SSH1: variants seen among roughly 807,000 people sequenced by gnomAD.
The protein encoded by SSH1 is protein phosphatase Slingshot homolog 1.
SSH1 carries 43 observed loss-of-function variants against 79.7 expected under a neutral mutation model. That is an observed-to-expected ratio of 0.54 (90% CI 0.42 to 0.70). The LOEUF (loss-of-function observed/expected upper bound fraction) is 0.70, where lower values mean the gene tolerates loss of function less well. Among genes scored for constraint, SSH1 ranks in the 30% least tolerant of loss-of-function variants. The pLI, the probability that SSH1 is intolerant of heterozygous loss-of-function variation, is 0.00. For synonymous variants in SSH1, 599 were observed against 538.3 expected (o/e 1.11, Z -1.56); for missense variants, 1,206 against 1,358.8 (o/e 0.89, Z 1.77).
At position 108,792,585 on chromosome 12, in the gene SSH1, G is replaced by A; in HGVS notation, c.1594C>T (p.Leu532=). ...PEDETGSLVH[L]EDPEREALLE... ...AGAGCCTCCCTCTCCGGATCCTCCA[G>A]GTGGACCAAGCTGCCAGTTTCATCC... Residue 532 remains leucine, a synonymous_variant, in exon 14 of 15, where the codon CTG becomes TTG. Coordinates refer to ENST00000326495, the MANE Select transcript of SSH1 (RefSeq NM_018984.4). The A allele has an allele frequency of 6.2e-7, 1 of 1,613,098 alleles. No individual in the cohort carries two copies. Among genetic ancestry groups the A allele is most frequent in the Non-Finnish European group, 8.5e-7 (1 of 1,179,372 alleles).
chr12:108,826,265 C>A, intron 2 of SSH1: 1 of 416,326 alleles, frequency 2.4e-6, no homozygotes, highest in Non-Finnish European at 4.7e-6. Flanking sequence ...ACTTACAAGG[C>A]CAGCTGTTCC....
At chr12:108,795,360 G>A (rs1226590294) in intron 13 of SSH1, among the ~76,000 whole-genome samples, 2 of 151,780 alleles carry the variant, frequency 1.3e-5, no homozygotes, top group African/African-American at 2.4e-5. Flanking sequence ...AGCAATCCTC[G>A]TGCCTCAGCC....
intron 11 of SSH1, 22 bp from the exon 12 acceptor site, chr12:108,800,948 A>G (rs1207178753): frequency 9.9e-6 from 16 of 1,609,864 alleles, no homozygotes; most frequent in Non-Finnish European, 1.4e-5. Context: ...AAAAAATAAG[A>G]AACAAATTTG....
chr12:108,835,385 G>A (rs1282415086), intron 2 of SSH1, among the ~76,000 whole-genome samples: 1 of 152,134 alleles, frequency 6.6e-6, no homozygotes, highest in African/African-American at 2.4e-5. Context: ...AGTGAGCCGA[G>A]ATTGTGCCAC....
chr12:108,828,575 G>A (rs2038390944), intron 2 of SSH1, among the ~76,000 whole-genome samples: 1 of 152,156 alleles, frequency 6.6e-6, no homozygotes, highest in Non-Finnish European at 1.5e-5. Flanking sequence ...ATCATGCGTG[G>A]GAAAGAGAGA....
At chr12:108,821,901 T>G (rs2038136021) in intron 3 of SSH1, among the ~76,000 whole-genome samples, 1 of 152,188 alleles carries the variant, frequency 6.6e-6, no homozygotes, top group Non-Finnish European at 1.5e-5. Flanking sequence ...ACAAGAAAAC[T>G]GGCCACAATA....
chr12:108,804,858 C>G (rs1016123394), intron 10 of SSH1, among the ~76,000 whole-genome samples, 198 bp downstream of exon 10: 4 of 152,230 alleles, frequency 2.6e-5, no homozygotes, highest in African/African-American at 9.6e-5. Context: ...ACGTCTCAAA[C>G]AGCTGGCTCA....
rs1276798556 is a variant in SSH1, at chr12:108,857,457, C to CGCT, written c.37_39dup (p.Ser13dup). 8.9e-7 allele frequency: 1 copy of CGCT among 1,121,482 alleles called. No individual in the cohort carries two copies. The highest frequency in any genetic ancestry group is 1.9e-5 in the South Asian group (1 of 52,514). The allele number at this position is 1,121,482 out of a possible 1,614,324, so 69.5% of individuals were successfully genotyped here. On this transcript the variant is annotated inframe_insertion, in exon 1 of 15. Transcript: ENST00000326495. This position sits in a 1 kb window ranked among gnomAD's most constrained non-coding sequence, Gnocchi z 4.7. Reference sequence around the variant, plus strand: ...CTGTTGCTGGCCGAGGAGGAGGCGGCGCTGGGCGTGGGCGAGCGCTGCAGG... The same window carrying CGCT: ...CTGTTGCTGGCCGAGGAGGAGGCGGCGCTGCTGGGCGTGGGCGAGCGCTGCAGG...
intron 2 of SSH1, among the ~76,000 whole-genome samples, chr12:108,849,429 C>T (rs536244318): frequency 1.3e-3 from 200 of 152,148 alleles, no homozygotes; most frequent in African/African-American, 4.5e-3. Context: ...TGGTGGCGCA[C>T]GCCTGTAGTC....
At chr12:108,852,805 A>C in intron 1 of SSH1, 127 bp from the exon 2 acceptor site, 2 of 1,577,096 alleles carry the variant, frequency 1.3e-6, no homozygotes, top group South Asian at 1.1e-5. Context: ...AGCTACTTCT[A>C]AACAGCCGTG....
rs2036279894 is a variant in SSH1, at chr12:108,786,558, ATTTC to A, written c.*1426_*1429del. The stretch of plus-strand genomic sequence containing the variant: ...GGCCACATGAATTCTGTCACATATT[ATTTC>A]TTTTTTTTACAACTCCTTAAAAAGG... On this transcript the variant is annotated 3_prime_UTR_variant, in exon 15 of 15. Coordinates refer to ENST00000326495, the MANE Select transcript of SSH1 (RefSeq NM_018984.4). 2 of 152,044 alleles carry A rather than the reference ATTTC, an allele frequency of 1.3e-5. No homozygotes were observed. Among genetic ancestry groups the A allele is most frequent in the African/African-American group, 2.4e-5 (1 of 41,350 alleles). The allele number at this position is 152,044 out of a possible 1,614,324, so 9.4% of individuals were successfully genotyped here. A position where few individuals can be genotyped will look rare whatever the true frequency, so the allele number is the denominator to read the frequency against.
At chr12:108,852,504 A>C (rs762153352) in intron 2 of SSH1, 134 bp downstream of exon 2, 104 of 1,015,814 alleles carry the variant, frequency 1.0e-4, no homozygotes, top group Non-Finnish European at 1.5e-4. Context: ...TGCTGGAATT[A>C]CAGGCGTGAC....
rs756495664 is a variant in SSH1, at chr12:108,809,741, G to A, written c.488C>T (p.Thr163Ile). The A allele has an allele frequency of 2.5e-6, 4 of 1,614,016 alleles. No homozygotes were observed. The highest frequency in any genetic ancestry group is 1.1e-5 in the South Asian group (1 of 91,074). The change falls in exon 7 of 15, where the codon ACA (threonine) becomes ATA (isoleucine). Residue 163 changes from threonine to isoleucine, a missense_variant. Around this residue, in one of 5 missense-constraint regions of SSH1, gnomAD observed 115 missense variants for 173.9 expected, o/e 0.66. Transcript: ENST00000326495. ...LDGDGGFSVS[T>I]AGRMHIFKPV... ...CTTAAATATGTGCATCCTTCCTGCT[G>A]TGCTCACGCTGAACCCACTGAGAAT...
intron 2 of SSH1, among the ~76,000 whole-genome samples, chr12:108,825,407 A>G (rs1330592619): frequency 1.3e-5 from 2 of 152,262 alleles, no homozygotes; most frequent in Non-Finnish European, 2.9e-5. Context: ...AGGAACTAGC[A>G]TTTCCAATCA....
In SSH1 at chr12:108,789,385, TGACA is replaced by T. The variant is rs550658865; in HGVS notation, c.1894-145_1894-142del. ...GGGAGGCTCTCATTTCACTTAATAC[TGACA>T]GACAGACCTCCTGGAGCCCACTTGA... On this transcript the variant is annotated intron_variant, in intron 14 of 14. Transcript: ENST00000326495. 289 of 861,074 alleles carry T rather than the reference TGACA, an allele frequency of 3.4e-4. 1 individual carries two copies. The highest frequency in any genetic ancestry group is 2.2e-3 in the African/African-American group (135 of 60,200). The allele number at this position is 861,074 out of a possible 1,614,324, so 53.3% of individuals were successfully genotyped here.
chr12:108,840,241 C>T (rs997468696), intron 2 of SSH1, among the ~76,000 whole-genome samples: 7 of 152,142 alleles, frequency 4.6e-5, no homozygotes, highest in African/African-American at 1.7e-4. Context: ...GAAAATGGCT[C>T]CTCTCGGGGG....
Position 108,799,129 on chromosome 12 carries a change from T to C in SSH1, c.1220A>G (p.Tyr407Cys), listed in dbSNP as rs2036877470. The C allele has an allele frequency of 6.2e-7, 1 of 1,614,098 alleles. No individual in the cohort carries two copies. Among genetic ancestry groups the C allele is most frequent in the Admixed American group, 1.7e-5 (1 of 60,008 alleles). ...VSRSASTVIA[Y>C]AMKEFGWPLE... Reference sequence around the variant, plus strand: ...AGGCCAGCCGAATTCCTTCATTGCATAGGCTATGACTGTGGAGGCCGAGCG... The same window carrying C: ...AGGCCAGCCGAATTCCTTCATTGCACAGGCTATGACTGTGGAGGCCGAGCG... The change falls in exon 13 of 15, where the codon TAT (tyrosine) becomes TGT (cysteine). Residue 407 changes from tyrosine (Y) to cysteine (C), a missense_variant. Physicochemically the swap from Tyr to Cys is radical, Grantham distance 194. This residue lies in a region of SSH1 where 166 missense variants were observed against 262.9 expected (regional missense o/e 0.63). Coordinates refer to ENST00000326495, the MANE Select transcript of SSH1 (RefSeq NM_018984.4).
At chr12:108,832,051 C>T (rs1005417613) in intron 2 of SSH1, among the ~76,000 whole-genome samples, 3 of 152,202 alleles carry the variant, frequency 2.0e-5, no homozygotes, top group African/African-American at 7.2e-5. Context: ...TTTGTCCCTA[C>T]ATTTTTCCAC....
rs374826530 is a variant in SSH1 at position 108,807,835 on chromosome 12, G to A, written c.537-8C>T. 68 of 1,613,612 alleles carry A rather than the reference G, an allele frequency of 4.2e-5. No individual in the cohort carries two copies. In the East Asian group the frequency reaches 4.9e-4, roughly 12 times the overall value. ...AGCACCTGCAGGGCAGACCTGGGGC[G>A]AGGAGAAGACAGGGTCAGGCCTGGG... is the stretch of plus-strand genomic sequence containing the variant. On this transcript the variant is annotated splice_region_variant and splice_polypyrimidine_tract_variant and intron_variant, in intron 7 of 14. Transcript: ENST00000326495. This position sits in a 1 kb window ranked among gnomAD's most constrained non-coding sequence, Gnocchi z 5.2.
Sources: gnomAD v4.1 joint callset for allele counts (sites outside exome capture counted in the v4.1 genomes callset) on GRCh38, gnomAD v4.1.1 for gene constraint, gnomAD v4.1.1 regional missense constraint, Gnocchi (gnomAD v3.1) non-coding constraint, MANE v1.5 for transcripts, NCBI Gene and HGNC (gene_info 2026-07-23, HGNC 2026-07-21) for gene names.